NCAPH2: variants seen among roughly 807,000 people sequenced by gnomAD.
The protein encoded by NCAPH2 is non-SMC condensin II complex subunit H2, also known as condensin-2 complex subunit H2.
Under a neutral mutation model 88.6 loss-of-function variants are expected in NCAPH2, and 56 were observed. That is an observed-to-expected ratio of 0.63 (90% CI 0.51 to 0.79). NCAPH2 has a LOEUF of 0.79. Among genes scored for constraint, NCAPH2 ranks in the 30% least tolerant of loss-of-function variants. The pLI, the probability that NCAPH2 is intolerant of heterozygous loss-of-function variation, is 0.00. For missense variants in NCAPH2, 794 were observed against 792.0 expected (o/e 1.00, Z -0.03); for synonymous variants, 378 against 313.6 (o/e 1.21, Z -2.17).
intron 1 of NCAPH2, among the ~76,000 whole-genome samples, chr22:50,515,095 A>T (rs6010133): frequency 0.093 from 14,097 of 152,272 alleles, 2,156 homozygotes; most frequent in African/African-American, 0.32. Context: ...AATTACACTA[A>T]TGCTGCTCAC....
chr22:50,509,561 G>C (rs1222884631), intron 1 of NCAPH2, among the ~76,000 whole-genome samples: 3 of 152,110 alleles, frequency 2.0e-5, no homozygotes, highest in African/African-American at 7.2e-5. Context: ...CATTTTATTT[G>C]GTCTAGGCCA....
intron 5 of NCAPH2, 56 bp from the exon 6 acceptor site, chr22:50,517,917 T>C (rs1183076790): frequency 1.9e-6 from 3 of 1,603,848 alleles, no homozygotes; most frequent in African/African-American, 1.3e-5. Flanking sequence ...ATGTGGGTCC[T>C]GTTCTCCACT....
At chr22:50,521,947 G>A (rs1260119963) in intron 12 of NCAPH2, 39 bp from the exon 13 acceptor site, 1 of 1,613,790 alleles carries the variant, frequency 6.2e-7, no homozygotes, top group South Asian at 1.1e-5. Flanking sequence ...GCTGTGGGCA[G>A]CTCTTGGCCT....
At chr22:50,511,068 G>T (rs145759919) in intron 1 of NCAPH2, among the ~76,000 whole-genome samples, 1 of 150,810 alleles carries the variant, frequency 6.6e-6, no homozygotes, top group Non-Finnish European at 1.5e-5. Context: ...GGATGGTCTC[G>T]ATCTCCTGAC....
Position 50,524,600 on chromosome 22 carries a change from C to G in NCAPH2, c.*1225C>G. 2.8e-6 allele frequency: 2 copies of G among 720,000 alleles called. No homozygotes were observed. The highest frequency in any genetic ancestry group is 5.1e-6 in the Non-Finnish European group (2 of 389,244). The allele number at this position is 720,000 out of a possible 1,614,324, so 44.6% of individuals were successfully genotyped here. A position where few individuals can be genotyped will look rare whatever the true frequency, so the allele number is the denominator to read the frequency against. On this transcript the variant is annotated 3_prime_UTR_variant, in exon 20 of 20. Coordinates refer to ENST00000420993, the MANE Select transcript of NCAPH2 (RefSeq NM_152299.4). ...ACTCCACCTCCACCAAACATCCACA[C>G]CTGGGCAACCACACCTGTCACTCCT...
chr22:50,511,205 C>T (rs1302642038), intron 1 of NCAPH2, among the ~76,000 whole-genome samples: 1 of 151,580 alleles, frequency 6.6e-6, no homozygotes, highest in East Asian at 1.9e-4. Context: ...CTCTGTCACC[C>T]AGGCTGGAGT....
At chr22:50,521,710 C>A in intron 11 of NCAPH2, 31 bp from the exon 12 acceptor site, 2 of 1,612,452 alleles carry the variant, frequency 1.2e-6, no homozygotes, top group Non-Finnish European at 1.7e-6. Context: ...GATCCCCCAG[C>A]GGCTCTAAGA....
chr22:50,510,623 CGCCACATTG>C (rs1279938620), intron 1 of NCAPH2, among the ~76,000 whole-genome samples: 2 of 151,184 alleles, frequency 1.3e-5, no homozygotes, highest in African/African-American at 4.9e-5. Flanking sequence ...AGATGGGTTT[CGCCACATTG>C]GCCAGGCTGG....
Position 50,522,347 on chromosome 22 carries a change from C to G in NCAPH2, c.1238C>G (p.Ala413Gly). The change falls in exon 15 of 20, where the codon GCT becomes GGT. Residue 413 changes from alanine (A) to glycine (G), a missense_variant. Ala to Gly is a moderately conservative substitution (Grantham distance 60). This residue lies in a region of NCAPH2 where 735 missense variants were observed against 696.3 expected (regional missense o/e 1.06). Transcript: ENST00000420993. Reference protein sequence around the residue: ...TLRKLQRREVAEQWLRPAEED... With the variant: ...TLRKLQRREVGEQWLRPAEED... ...ACAGATGCTTTCTCTGGACAGGTGG[C>G]TGAGCAGTGGCTGCGGCCTGCAGAG... 1 of 1,604,914 alleles carries G rather than the reference C, an allele frequency of 6.2e-7. No individual in the cohort carries two copies. Among genetic ancestry groups the G allele is most frequent in the Non-Finnish European group, 8.5e-7 (1 of 1,174,772 alleles).
chr22:50,523,814 G>A lies in NCAPH2; in HGVS notation c.*439G>A. 1 of 1,614,106 alleles carries A rather than the reference G, an allele frequency of 6.2e-7. No homozygotes were observed. The highest frequency in any genetic ancestry group is 8.5e-7 in the Non-Finnish European group (1 of 1,180,018). On this transcript the variant is annotated 3_prime_UTR_variant, in exon 20 of 20. Transcript: ENST00000420993. The stretch of plus-strand genomic sequence containing the variant: ...TACACGCGGTAACTGTGACTAGCCT[G>A]GGCAACCTGTTTGGTGGAGCCGGTC...
intron 1 of NCAPH2, among the ~76,000 whole-genome samples, chr22:50,511,278 T>C (rs2068774851): frequency 6.9e-6 from 1 of 144,022 alleles, no homozygotes; most frequent in African/African-American, 2.6e-5. Flanking sequence ...TTCTCCTGCC[T>C]CAGCCTCTTT....
chr22:50,520,826 G>A, intron 9 of NCAPH2, 139 bp from the exon 10 acceptor site: 1 of 929,234 alleles, frequency 1.1e-6, no homozygotes, highest in South Asian at 1.7e-5. Flanking sequence ...GCCTCCCAAA[G>A]TGCTGGGATT....
intron 1 of NCAPH2, among the ~76,000 whole-genome samples, chr22:50,510,512 C>A (rs752818039): frequency 6.6e-6 from 1 of 152,102 alleles, no homozygotes; most frequent in African/African-American, 2.4e-5. Flanking sequence ...ACTGCAACCT[C>A]CGACTCCCAG....
rs1404788025 is a variant in NCAPH2 at position 50,524,660 on chromosome 22, C to A, written c.*1285C>A. 1 of 690,592 alleles carries A rather than the reference C, an allele frequency of 1.4e-6. No homozygotes were observed. Among genetic ancestry groups the A allele is most frequent in the Non-Finnish European group, 2.7e-6 (1 of 368,040 alleles). 42.8% of individuals were successfully genotyped at this position (690,592 alleles called of 1,614,324 possible). On this transcript the variant is annotated 3_prime_UTR_variant, in exon 20 of 20. Transcript: ENST00000420993. ...CTGGGATCACCAGCCTGTCACCGCA[C>A]CCTGCCCTGCACCTGCACCTCAGCA...
chr22:50,523,775 G>C lies in NCAPH2; in HGVS notation c.*400G>C. On this transcript the variant is annotated 3_prime_UTR_variant, in exon 20 of 20. Transcript: ENST00000420993. ...ATGTAGTCCTGGTCCTCATCCTTGG[G>C]GCCTGCATTGTAGTACACGCGGTAA... 6.2e-7 allele frequency: 1 copy of C among 1,614,156 alleles called. No homozygotes were observed. The highest frequency in any genetic ancestry group is 8.5e-7 in the Non-Finnish European group (1 of 1,180,008).
At chr22:50,517,263 T>A (rs2068950617) in intron 2 of NCAPH2, among the ~76,000 whole-genome samples, 164 bp from the exon 3 acceptor site, 1 of 152,228 alleles carries the variant, frequency 6.6e-6, no homozygotes. Context: ...ATGAGATTCC[T>A]GGTTTGATTT....
chr22:50,513,296 C>T (rs912244809), intron 1 of NCAPH2, among the ~76,000 whole-genome samples: 5 of 152,240 alleles, frequency 3.3e-5, no homozygotes, highest in Admixed American at 1.3e-4. Context: ...AGGTGGCTCA[C>T]GCCTGTGATC....
intron 2 of NCAPH2, 117 bp downstream of exon 2, chr22:50,516,665 C>T: frequency 2.4e-6 from 2 of 830,804 alleles, no homozygotes; most frequent in Non-Finnish European, 2.0e-6. Flanking sequence ...CCTCTCTCCT[C>T]AGGTCTCAGC....
At chr22:50,512,909 T>A (rs2068824003) in intron 1 of NCAPH2, among the ~76,000 whole-genome samples, 1 of 152,182 alleles carries the variant, frequency 6.6e-6, no homozygotes, top group Non-Finnish European at 1.5e-5. Context: ...TCATTGTTGT[T>A]AGTTGTGAAT....
Sources: allele counts gnomAD v4.1 joint callset (sites outside exome capture counted in the v4.1 genomes callset), GRCh38; gene constraint gnomAD v4.1.1; regional missense constraint gnomAD v4.1.1; transcripts MANE v1.5; gene names NCBI Gene and HGNC (gene_info 2026-07-23, HGNC 2026-07-21).